SSBP3: variants seen among roughly 807,000 people sequenced by gnomAD.
SSBP3 encodes single stranded DNA binding protein 3.
In SSBP3, 5 loss-of-function variants were observed where a neutral mutation model predicts 69.6. The observed-to-expected ratio is 0.07, with a 90% confidence interval of 0.04 to 0.15. SSBP3 has a LOEUF of 0.15. Among genes scored for constraint, SSBP3 ranks in the 10% least tolerant of loss-of-function variants. The pLI, the probability that SSBP3 is intolerant of heterozygous loss-of-function variation, is 1.00. For missense variants in SSBP3, 312 were observed against 534.0 expected, an observed-to-expected ratio of 0.58 and a Z score of 4.10; for synonymous variants, 196 against 193.4, an observed-to-expected ratio of 1.01 and a Z score of -0.11.
intron 4 of SSBP3, among the ~76,000 whole-genome samples, chr1:54,307,325 C>A (rs1028360987): frequency 6.6e-6 from 1 of 152,158 alleles, no homozygotes; most frequent in Non-Finnish European, 1.5e-5. Flanking sequence ...TCTCTATCAA[C>A]CTTTACATCC....
intron 14 of SSBP3, chr1:54,237,714 G>C (rs532724106): frequency 6.2e-6 from 1 of 160,348 alleles, no homozygotes; most frequent in African/African-American, 2.4e-5. Flanking sequence ...TGAACTCTTA[G>C]GAAATACAGT....
intron 4 of SSBP3, among the ~76,000 whole-genome samples, chr1:54,346,963 T>A (rs1204926203): frequency 1.3e-5 from 2 of 151,566 alleles, no homozygotes; most frequent in African/African-American, 2.4e-5. Context: ...TGCACACACA[T>A]CCTCCCATAT....
At chr1:54,244,900 G>C (rs1644706675) in intron 9 of SSBP3, among the ~76,000 whole-genome samples, 1 of 151,952 alleles carries the variant, frequency 6.6e-6, no homozygotes, top group Non-Finnish European at 1.5e-5. Flanking sequence ...TGCTACACTG[G>C]GTCTGATCAT....
intron 4 of SSBP3, among the ~76,000 whole-genome samples, chr1:54,323,708 C>A (rs1646254160): frequency 6.6e-6 from 1 of 152,168 alleles, no homozygotes; most frequent in Non-Finnish European, 1.5e-5. Flanking sequence ...TGAATTCCCA[C>A]CTATCTGGAG....
At chr1:54,305,673 G>C (rs1010462543) in intron 4 of SSBP3, among the ~76,000 whole-genome samples, 3 of 151,300 alleles carry the variant, frequency 2.0e-5, no homozygotes, top group Admixed American at 6.6e-5. Context: ...ATGTTGCCCA[G>C]GCTGGTACTT....
At chr1:54,399,186 C>T (rs1390532097) in intron 4 of SSBP3, among the ~76,000 whole-genome samples, 2 of 152,178 alleles carry the variant, frequency 1.3e-5, no homozygotes, top group African/African-American at 4.8e-5. Context: ...ACGGTCTCCA[C>T]CATGGAAAAA....
At chr1:54,249,110 CA>C (rs1276685948) in intron 9 of SSBP3, among the ~76,000 whole-genome samples, 14 of 152,142 alleles carry the variant, frequency 9.2e-5, no homozygotes, top group East Asian at 7.8e-4. Flanking sequence ...GACTACGGGT[CA>C]GGGGCAGACA....
chr1:54,397,938 C>T (rs1001914368), intron 4 of SSBP3, among the ~76,000 whole-genome samples: 9 of 152,288 alleles, frequency 5.9e-5, no homozygotes, highest in African/African-American at 1.9e-4. Flanking sequence ...CGGGGGCTTC[C>T]GTTCAATTCT....
intron 4 of SSBP3, among the ~76,000 whole-genome samples, chr1:54,288,047 G>C (rs1398499233): frequency 1.3e-5 from 2 of 152,146 alleles, no homozygotes; most frequent in South Asian, 4.1e-4. Flanking sequence ...GACGGCCCTG[G>C]GTCCAACAGT....
chr1:54,312,556 TAA>T (rs534313722), intron 4 of SSBP3, among the ~76,000 whole-genome samples: 1 of 146,232 alleles, frequency 6.8e-6, no homozygotes, highest in Non-Finnish European at 1.5e-5. Flanking sequence ...CCACTGCACT[TAA>T]AAAAAAAAAA....
At chr1:54,357,170 G>C (rs1314013817) in intron 4 of SSBP3, among the ~76,000 whole-genome samples, 9 of 152,176 alleles carry the variant, frequency 5.9e-5, no homozygotes, top group Admixed American at 5.9e-4. Flanking sequence ...AGGAGGGGAA[G>C]GGAGAAAAGG....
intron 4 of SSBP3, among the ~76,000 whole-genome samples, chr1:54,375,273 G>A (rs1243061605): frequency 6.6e-6 from 1 of 152,188 alleles, no homozygotes; most frequent in East Asian, 1.9e-4. Context: ...AGATAGAAAA[G>A]CCCACACGTG....
intron 4 of SSBP3, among the ~76,000 whole-genome samples, chr1:54,381,764 C>T (rs183217515): frequency 7.9e-5 from 12 of 152,374 alleles, no homozygotes; most frequent in African/African-American, 2.4e-4. Context: ...AGCTGGCCAG[C>T]GCAGTGAGAC....
chr1:54,241,409 C>A, intron 12 of SSBP3, 65 bp downstream of exon 12: 1 of 1,559,022 alleles, frequency 6.4e-7, no homozygotes, highest in Non-Finnish European at 8.9e-7. Context: ...GGACCCCAGA[C>A]CAGTTCTCTT....
chr1:54,285,113 G>A (rs550182612), intron 4 of SSBP3, among the ~76,000 whole-genome samples: 77 of 152,280 alleles, frequency 5.1e-4, no homozygotes, highest in African/African-American at 1.8e-3. Context: ...AAACTAAGTC[G>A]TCCTGCAGTG....
At chr1:54,241,336 G>T in intron 12 of SSBP3, 138 bp downstream of exon 12, 2 of 1,010,008 alleles carry the variant, frequency 2.0e-6, no homozygotes, top group South Asian at 1.4e-5. Context: ...ACTGAATATT[G>T]ACAGCAAGTT....
At chr1:54,393,703 T>C (rs2100776864) in intron 4 of SSBP3, among the ~76,000 whole-genome samples, 1 of 152,334 alleles carries the variant, frequency 6.6e-6, no homozygotes, top group South Asian at 2.1e-4. Context: ...CTAGGCACTA[T>C]TATATATTGT....
upstream of SSBP3, among the ~76,000 whole-genome samples, chr1:54,406,919 C>G (rs1649823549): frequency 1.3e-5 from 2 of 151,704 alleles, no homozygotes; most frequent in Non-Finnish European, 2.9e-5. Flanking sequence ...CCCTAGGCTC[C>G]GACCCCGACC....
At chr1:54,240,047 G>GGGGTGTGT (rs759078115) in intron 13 of SSBP3, among the ~76,000 whole-genome samples, 1 of 77,792 alleles carries the variant, frequency 1.3e-5, no homozygotes, top group Non-Finnish European at 2.6e-5. Flanking sequence ...ATTGTGATGG[G>GGGGTGTGT]GTGTGTGTGT....
Sources: gnomAD v4.1 joint callset for allele counts (sites outside exome capture counted in the v4.1 genomes callset) on GRCh38, gnomAD v4.1.1 for gene constraint, MANE v1.5 for transcripts, NCBI Gene and HGNC (gene_info 2026-07-23, HGNC 2026-07-21) for gene names.